FAF1: variants seen among roughly 807,000 people sequenced by gnomAD.
The protein encoded by FAF1 is FAS-associated factor 1.
Under a neutral mutation model 92.5 loss-of-function variants are expected in FAF1, and 25 were observed. That is an observed-to-expected ratio of 0.27 (90% CI 0.20 to 0.38). FAF1 has a LOEUF of 0.38. Ranked by LOEUF, FAF1 falls within the 10% of genes least tolerant of loss-of-function variation. The pLI is 1.00. For missense variants in FAF1, 636 were observed against 793.3 expected (o/e 0.80, Z 2.38); for synonymous variants, 234 against 273.2 (o/e 0.86, Z 1.42).
intron 15 of FAF1, among the ~76,000 whole-genome samples, chr1:50,502,430 T>C (rs985433909): frequency 2.6e-5 from 4 of 152,198 alleles, no homozygotes. Context: ...AAAATTATGA[T>C]GGTCACATAC....
intron 7 of FAF1, among the ~76,000 whole-genome samples, chr1:50,657,704 A>G (rs955884569): frequency 2.0e-5 from 3 of 152,236 alleles, no homozygotes; most frequent in Non-Finnish European, 4.4e-5. Context: ...TCTTATACAT[A>G]ATCACATCTA....
intron 12 of FAF1, among the ~76,000 whole-genome samples, chr1:50,578,742 C>A (rs1054136045): frequency 6.6e-6 from 1 of 152,096 alleles, no homozygotes; most frequent in Non-Finnish European, 1.5e-5. Context: ...CACAGAGCAT[C>A]ACAGAATTCT....
Position 50,490,474 on chromosome 1 carries a change from G to T in FAF1, c.1653+114C>A. ...AAGGAAGGAAGGAAAAAGAAAGAAG[G>T]AAGGAAGGAAGGAAGGAAAGGAAGG... On this transcript the variant is annotated intron_variant, in intron 17 of 18. Transcript: ENST00000396153. 6.5e-6 allele frequency: 4 copies of T among 611,190 alleles called. No individual in the cohort carries two copies. In the South Asian group the frequency reaches 7.3e-5, roughly 11 times the overall value. 37.9% of individuals were successfully genotyped at this position (611,190 alleles called of 1,614,324 possible).
chr1:50,506,959 G>A (rs920452246), intron 15 of FAF1, among the ~76,000 whole-genome samples: 2 of 152,104 alleles, frequency 1.3e-5, no homozygotes, highest in Non-Finnish European at 2.9e-5. Flanking sequence ...CTTAAGTTCT[G>A]ACATTTAAAA....
intron 12 of FAF1, among the ~76,000 whole-genome samples, chr1:50,573,700 G>C (rs1389851955): frequency 6.6e-6 from 1 of 151,882 alleles, no homozygotes; most frequent in African/African-American, 2.4e-5. Context: ...CCAGGATGGT[G>C]TCTTTTTCCC....
chr1:50,655,455 G>A lies in FAF1; in HGVS notation c.731C>T (p.Ala244Val). Residue 244 changes from alanine (A) to valine (V), a missense_variant, in exon 8 of 19, where the codon GCT (alanine) becomes GTT (valine). Ala to Val is a moderately conservative substitution (Grantham distance 64, BLOSUM62 0). This residue lies in a region of FAF1 where 317 missense variants were observed against 342.4 expected (regional missense o/e 0.93). Transcript: ENST00000396153. Reference protein sequence around the residue: ...HQLWEGWPTSATDDSMCLAES... With the variant: ...HQLWEGWPTSVTDDSMCLAES... ...ACTGTCACTTACTGAGTCGTCTGTA[G>A]CAGAAGTTGGCCAGCCCTCCCATAA... 1.2e-6 allele frequency: 2 copies of A among 1,612,422 alleles called. No homozygotes were observed. The highest frequency in any genetic ancestry group is 1.7e-6 in the Non-Finnish European group (2 of 1,178,400).
chr1:50,834,559 A>G (rs1290737202), intron 2 of FAF1, among the ~76,000 whole-genome samples: 1 of 152,218 alleles, frequency 6.6e-6, no homozygotes, highest in Admixed American at 6.5e-5. Flanking sequence ...CTTGCCTAAG[A>G]AAGTATGGCA....
intron 4 of FAF1, among the ~76,000 whole-genome samples, chr1:50,757,280 T>G (rs1660114082): frequency 6.6e-6 from 1 of 152,236 alleles, no homozygotes; most frequent in Admixed American, 6.5e-5. Context: ...TCAGATTTTT[T>G]GTCTGTTGTT....
rs143443661 is a variant in FAF1, at chr1:50,549,354, G to A, written c.1269-9626C>T. ...GGTGGGGTCTCACTCTGTTGCCCAG[G>A]CTGGAGTGCAGTGGCATGATCATAG... is the stretch of plus-strand genomic sequence containing the variant. On this transcript the variant is annotated intron_variant, in intron 13 of 18. Transcript: ENST00000396153. Among the ~76,000 whole-genome samples the A allele has an allele frequency of 1.2e-3, 181 of 152,204 alleles. 2 individuals are homozygous for A. The East Asian group carries it at 0.031, about 26-fold the overall frequency.
At chr1:50,867,782 A>G (rs1438973062) in intron 1 of FAF1, among the ~76,000 whole-genome samples, 1 of 152,212 alleles carries the variant, frequency 6.6e-6, no homozygotes, top group African/African-American at 2.4e-5. Flanking sequence ...GATTCCTTAA[A>G]GAACTAAAAG....
chr1:50,732,365 A>G (rs1658963983), intron 6 of FAF1, among the ~76,000 whole-genome samples: 1 of 152,042 alleles, frequency 6.6e-6, no homozygotes, highest in Non-Finnish European at 1.5e-5. Context: ...ATGAGCCACC[A>G]CACCTGGCCT....
At chr1:50,520,627 A>G (rs1311193452) in intron 15 of FAF1, among the ~76,000 whole-genome samples, 1 of 152,152 alleles carries the variant, frequency 6.6e-6, no homozygotes, top group Non-Finnish European at 1.5e-5. Flanking sequence ...CAGGTGGATC[A>G]CTTGAGTCCA....
chr1:50,815,277 T>C (rs1422467503), intron 2 of FAF1, among the ~76,000 whole-genome samples: 3 of 152,270 alleles, frequency 2.0e-5, no homozygotes, highest in Admixed American at 1.3e-4. Context: ...TTGCCATCTT[T>C]ATGTCCCTGA....
At chr1:50,860,405 CAA>C (rs1010424854) in intron 1 of FAF1, among the ~76,000 whole-genome samples, 1 of 151,346 alleles carries the variant, frequency 6.6e-6, no homozygotes, top group Non-Finnish European at 1.5e-5. Flanking sequence ...AATCAACAAG[CAA>C]AAGACAAGTA....
At chr1:50,840,657 C>A (rs12089749) in intron 2 of FAF1, among the ~76,000 whole-genome samples, 13,124 of 151,920 alleles carry the variant, frequency 0.086, 586 homozygotes, top group African/African-American at 0.098. Context: ...TTCCATAATG[C>A]CTAGTGTTAG....
chr1:50,882,021 C>T (rs1644616458), intron 1 of FAF1, among the ~76,000 whole-genome samples: 1 of 151,854 alleles, frequency 6.6e-6, no homozygotes, highest in African/African-American at 2.4e-5. Flanking sequence ...GTTTCAATAC[C>T]CATGAAAATA....
Position 50,801,667 on chromosome 1 carries a change from T to C in FAF1, c.125A>G (p.Asn42Ser), listed in dbSNP as rs779516801. 4 of 1,594,804 alleles carry C rather than the reference T, an allele frequency of 2.5e-6. No individual in the cohort carries two copies. Among genetic ancestry groups the C allele is most frequent in the East Asian group, 2.2e-5 (1 of 44,684 alleles). ...QNNWDLVAAI[N>S]GVIPQENGIL... ...GCCATTTTCCTGTGGTATTACACCATTGATAGCTGCCTGCAAACAAGAAAC... is the reference window on the plus strand; with the variant it reads ...GCCATTTTCCTGTGGTATTACACCACTGATAGCTGCCTGCAAACAAGAAAC... Residue 42 changes from asparagine (N) to serine (S), a missense_variant, in exon 3 of 19, where the codon AAT becomes AGT. Around this residue, in one of 2 missense-constraint regions of FAF1, gnomAD observed 317 missense variants for 342.4 expected, o/e 0.93. Coordinates refer to ENST00000396153, the MANE Select transcript of FAF1 (RefSeq NM_007051.3).
intron 12 of FAF1, among the ~76,000 whole-genome samples, chr1:50,581,100 T>G (rs2124002526): frequency 6.6e-6 from 1 of 152,300 alleles, no homozygotes; most frequent in East Asian, 1.9e-4. Flanking sequence ...CCTATATTTA[T>G]GAACACCATA....
At chr1:50,795,201 A>G (rs1015260063) in intron 3 of FAF1, among the ~76,000 whole-genome samples, 6 of 152,200 alleles carry the variant, frequency 3.9e-5, no homozygotes, top group African/African-American at 1.4e-4. Context: ...ACAGACTAAT[A>G]TTGAGTCCCC....
Sources: gnomAD v4.1 joint callset for allele counts (sites outside exome capture counted in the v4.1 genomes callset) on GRCh38, gnomAD v4.1.1 for gene constraint, gnomAD v4.1.1 regional missense constraint, MANE v1.5 for transcripts, NCBI Gene and HGNC (gene_info 2026-07-23, HGNC 2026-07-21) for gene names.